The following SEMA6A variants were observed in gnomAD, a reference collection of about 807,000 sequenced individuals.
SEMA6A encodes semaphorin 6A, also known as semaphorin-6A.
A neutral mutation model predicts 96.8 loss-of-function variants in SEMA6A; 25 were observed. The observed-to-expected ratio is 0.26, with a 90% CI of 0.19 to 0.36. The LOEUF (loss-of-function observed/expected upper bound fraction) is 0.36. Among genes scored for constraint, SEMA6A ranks in the 10% least tolerant of loss-of-function variants. The probability of loss-of-function intolerance (pLI) is 1.00; values close to 1 mark genes in which losing one functional copy is unlikely to be tolerated. For synonymous variants in SEMA6A, 612 were observed against 518.0 expected (o/e 1.18, Z -2.46); for missense variants, 1,363 against 1,323.1 (o/e 1.03, Z -0.47).
At position 116,447,419 on chromosome 5, in the gene SEMA6A, T is replaced by A. The variant is rs1242002033; in HGVS notation, c.2287A>T (p.Thr763Ser). The change falls in exon 19 of 19, where the codon ACG becomes TCG. Residue 763 changes from threonine to serine, a missense_variant. Physicochemically the swap from Thr to Ser is moderately conservative, Grantham distance 58. Transcript: ENST00000343348. ...CTGGGCTTCCGCTTCTGCTGCAGCGTTGGGGTTGACTCTGGGGTGGGGAGG... is the reference window on the plus strand; with the variant it reads ...CTGGGCTTCCGCTTCTGCTGCAGCGATGGGGTTGACTCTGGGGTGGGGAGG... ...TALPTPESTP[T>S]LQQKRKPSRG... 1.2e-6 allele frequency: 2 copies of A among 1,613,864 alleles called. No individual in the cohort carries two copies. The highest frequency in any genetic ancestry group is 1.7e-6 in the Non-Finnish European group (2 of 1,179,866).
intron 1 of SEMA6A, among the ~76,000 whole-genome samples, chr5:116,555,641 G>C (rs254077): frequency 0.71 from 107,478 of 151,424 alleles, 39,939 homozygotes; most frequent in East Asian, 0.88. Flanking sequence ...GAGTTCTGGA[G>C]TAGCCTGAGC....
chr5:116,504,637 C>T (rs1333063966), intron 2 of SEMA6A, among the ~76,000 whole-genome samples: 1 of 152,220 alleles, frequency 6.6e-6, no homozygotes, highest in Non-Finnish European at 1.5e-5. Flanking sequence ...GTTTCAAATC[C>T]TCACACGTGT....
At chr5:116,510,311 C>T (rs1050082104) in intron 1 of SEMA6A, among the ~76,000 whole-genome samples, 3 of 152,110 alleles carry the variant, frequency 2.0e-5, no homozygotes, top group Non-Finnish European at 4.4e-5. Flanking sequence ...TGGACCTCAT[C>T]ATCTTTGTCT....
rs190172776 is a variant in SEMA6A at position 116,501,262 on chromosome 5, G to A, written c.218+948C>T. 1.2e-4 allele frequency among the ~76,000 whole-genome samples: 19 copies of A among 152,222 alleles called. No homozygotes were observed. In the East Asian group the frequency reaches 2.5e-3, roughly 20 times the overall value. ...CTTATGGCCAGACAACTTGTGGTCC[G>A]GCTAAATTAAGAGCAGAATTATAAC... On this transcript the variant is annotated intron_variant, in intron 3 of 18. Transcript: ENST00000343348.
intron 1 of SEMA6A, among the ~76,000 whole-genome samples, chr5:116,519,257 T>A (rs1193664645): frequency 6.6e-6 from 1 of 152,174 alleles, no homozygotes; most frequent in Non-Finnish European, 1.5e-5. Flanking sequence ...AAAAGGTACA[T>A]TTGAGGAGTC....
chr5:116,526,510 C>T (rs573931319), intron 1 of SEMA6A, among the ~76,000 whole-genome samples: 7 of 152,154 alleles, frequency 4.6e-5, no homozygotes, highest in African/African-American at 1.4e-4. Flanking sequence ...AAAATACAAT[C>T]CCTGTCCTCA....
At chr5:116,488,262 G>T in intron 8 of SEMA6A, 66 bp from the exon 9 acceptor site, 1 of 1,058,370 alleles carries the variant, frequency 9.4e-7, no homozygotes, top group Non-Finnish European at 1.4e-6. Flanking sequence ...TCAATCAAGT[G>T]TAGCCAAAGA....
At chr5:116,476,665 T>A (rs1255081057) in intron 15 of SEMA6A, among the ~76,000 whole-genome samples, 1 of 152,182 alleles carries the variant, frequency 6.6e-6, no homozygotes, top group East Asian at 1.9e-4. Flanking sequence ...AATAATTTTT[T>A]AAAATTCAGT....
In SEMA6A at chr5:116,445,699, G is replaced by A. The variant is rs754505579; in HGVS notation, c.*914C>T. 3.9e-5 allele frequency: 6 copies of A among 152,572 alleles called. No homozygotes were observed. Among genetic ancestry groups the A allele is most frequent in the Admixed American group, 2.0e-4 (3 of 15,282 alleles). The allele number at this position is 152,572 out of a possible 1,614,324, so 9.5% of individuals were successfully genotyped here. On this transcript the variant is annotated 3_prime_UTR_variant, in exon 19 of 19. Coordinates refer to ENST00000343348, the MANE Select transcript of SEMA6A (RefSeq NM_020796.5). ...ATTCCCCTCCTAACTTTTTCCTTTA[G>A]CTACAGACCAGACAGTCCAAACACA...
At chr5:116,573,954 G>C (rs539235127) in intron 1 of SEMA6A, among the ~76,000 whole-genome samples, 1 of 152,008 alleles carries the variant, frequency 6.6e-6, no homozygotes, top group East Asian at 1.9e-4. Context: ...GGGTGGGAAA[G>C]CTCTCGACGT....
chr5:116,508,538 C>T (rs534562270), intron 1 of SEMA6A, among the ~76,000 whole-genome samples: 1 of 152,314 alleles, frequency 6.6e-6, no homozygotes, highest in Admixed American at 6.5e-5. Context: ...CCCAACTATT[C>T]CTCCAAATCC....
chr5:116,554,040 A>G (rs1333968110), intron 1 of SEMA6A, among the ~76,000 whole-genome samples: 1 of 151,732 alleles, frequency 6.6e-6, no homozygotes, highest in Non-Finnish European at 1.5e-5. Flanking sequence ...TAATGATAGG[A>G]GGAGGGCCAC....
chr5:116,521,963 T>C (rs1367056770), intron 1 of SEMA6A, among the ~76,000 whole-genome samples: 1 of 152,230 alleles, frequency 6.6e-6, no homozygotes, highest in Non-Finnish European at 1.5e-5. Context: ...AAGGTACTTA[T>C]TAAATATTTG....
chr5:116,459,777 C>T (rs1006383425), intron 18 of SEMA6A, among the ~76,000 whole-genome samples: 8 of 152,174 alleles, frequency 5.3e-5, no homozygotes, highest in African/African-American at 1.9e-4. Context: ...CTTCACTCTG[C>T]CCCAGCATTT....
intron 1 of SEMA6A, among the ~76,000 whole-genome samples, chr5:116,525,830 G>A (rs565672724): frequency 2.6e-5 from 4 of 152,238 alleles, no homozygotes; most frequent in East Asian, 3.9e-4. Context: ...GGGAGGGGCC[G>A]TTTTACTTCT....
intron 1 of SEMA6A, among the ~76,000 whole-genome samples, chr5:116,515,987 T>A (rs1260065418): frequency 3.3e-5 from 5 of 152,106 alleles, no homozygotes; most frequent in Non-Finnish European, 5.9e-5. Flanking sequence ...ACATTTTTGG[T>A]AAGACAGTCT....
chr5:116,559,588 G>A (rs1459597094), intron 1 of SEMA6A, among the ~76,000 whole-genome samples: 1 of 152,112 alleles, frequency 6.6e-6, no homozygotes, highest in Non-Finnish European at 1.5e-5. Context: ...TCGGGGTTCG[G>A]ACCAATACAA....
rs559131206 is a variant in SEMA6A, at chr5:116,515,412, G to T, written c.-38-10430C>A. ...GGTATTTATTTGCTTGAGGTGTTGA[G>T]TATATGGGTTATTTTTGCGTTGCTC... On this transcript the variant is annotated intron_variant, in intron 1 of 18. Transcript: ENST00000343348. 2.4e-4 allele frequency among the ~76,000 whole-genome samples: 36 copies of T among 152,226 alleles called. No homozygotes were observed. The South Asian group carries it at 6.8e-3, about 29-fold the overall frequency.
chr5:116,541,347 T>A (rs1434299775), intron 1 of SEMA6A, among the ~76,000 whole-genome samples: 1 of 152,050 alleles, frequency 6.6e-6, no homozygotes. Context: ...AATTCTTATT[T>A]ATTTTTTTCA....
Sources: allele counts gnomAD v4.1 joint callset (sites outside exome capture counted in the v4.1 genomes callset), GRCh38; gene constraint gnomAD v4.1.1; transcripts MANE v1.5; gene names NCBI Gene and HGNC (gene_info 2026-07-23, HGNC 2026-07-21).